CCNH: variants seen among roughly 807,000 people sequenced by gnomAD.
CCNH encodes the protein cyclin-H.
In CCNH, 31 loss-of-function variants were observed where a neutral mutation model predicts 41.9. That is an observed-to-expected ratio of 0.74 (90% confidence interval 0.56 to 1.00). The LOEUF (loss-of-function observed/expected upper bound fraction) is 1.00. Ranked by LOEUF, CCNH falls within the 50% of genes least tolerant of loss-of-function variation. The pLI is 0.00. For synonymous variants in CCNH, 138 were observed against 136.1 expected, an observed-to-expected ratio of 1.01 and a Z score of -0.10; for missense variants, 362 against 388.4, an observed-to-expected ratio of 0.93 and a Z score of 0.57.
rs760847054 is a variant in CCNH at position 87,346,744 on chromosome 5, C to G, written c.*91-27847G>C. Reference sequence around the variant, plus strand: ...TGACAGGTACTTACATATTTACTTGCTTTTCTAATGTCTATTTAAAGAGAA... The same window carrying G: ...TGACAGGTACTTACATATTTACTTGGTTTTCTAATGTCTATTTAAAGAGAA... On this transcript the variant is annotated intron_variant and NMD_transcript_variant, in intron 9 of 9. Transcript: ENST00000645953. 2 of 1,498,158 alleles carry G rather than the reference C, an allele frequency of 1.3e-6. No homozygotes were observed. Among genetic ancestry groups the G allele is most frequent in the East Asian group, 4.6e-5 (2 of 43,826 alleles). The allele number at this position is 1,498,158 out of a possible 1,614,324, so 92.8% of individuals were successfully genotyped here.
Position 87,412,672 on chromosome 5 carries a change from C to A in CCNH, c.117+6G>T. On this transcript the variant is annotated splice_donor_region_variant and intron_variant, in intron 1 of 8. Transcript: ENST00000256897. ...GGCAACTGGGCAACCGTTGGGAAAACCTCACCTTCCCGTTGGCCACGGCTT... is the reference window on the plus strand; with the variant it reads ...GGCAACTGGGCAACCGTTGGGAAAAACTCACCTTCCCGTTGGCCACGGCTT... 1 of 1,613,814 alleles carries A rather than the reference C, an allele frequency of 6.2e-7. No individual in the cohort carries two copies.
intron 2 of CCNH, 73 bp downstream of exon 2, chr5:87,411,151 C>CA (rs1764203838): frequency 6.9e-7 from 1 of 1,444,484 alleles, no homozygotes; most frequent in Non-Finnish European, 9.2e-7. Context: ...CTTGAGTGGA[C>CA]AGGGAATTTA....
At chr5:87,368,596 T>C (rs965282116) in intron 9 of CCNH, among the ~76,000 whole-genome samples, 4 of 152,222 alleles carry the variant, frequency 2.6e-5, no homozygotes, top group African/African-American at 4.8e-5. Context: ...AAGGCTGTTC[T>C]ATTTCTGGTT....
rs1757676959 is a variant in CCNH at position 87,332,502 on chromosome 5, A to G, written c.*91-13605T>C. ...TTTATACTGTATTTTTTCCTGTTCAAATAGGATTATTGCTATGTGTGGAGA... is the reference window on the plus strand; with the variant it reads ...TTTATACTGTATTTTTTCCTGTTCAGATAGGATTATTGCTATGTGTGGAGA... On this transcript the variant is annotated intron_variant and NMD_transcript_variant, in intron 9 of 9. Transcript: ENST00000645953. 6.2e-7 allele frequency: 1 copy of G among 1,605,516 alleles called. No individual in the cohort carries two copies. The highest frequency in any genetic ancestry group is 8.5e-7 in the Non-Finnish European group (1 of 1,173,036).
At chr5:87,339,226 A>T (rs948593251) in intron 9 of CCNH, among the ~76,000 whole-genome samples, 2 of 152,108 alleles carry the variant, frequency 1.3e-5, no homozygotes, top group Non-Finnish European at 2.9e-5. Context: ...CCAAATCTTG[A>T]TCCATAGAAG....
intron 9 of CCNH, among the ~76,000 whole-genome samples, chr5:87,349,900 G>A (rs1310291902): frequency 6.6e-6 from 1 of 151,828 alleles, no homozygotes; most frequent in Non-Finnish European, 1.5e-5. Context: ...AGGAAAATAA[G>A]TTAATAGAAG....
At chr5:87,402,188 G>A (rs1763470110) in intron 5 of CCNH, among the ~76,000 whole-genome samples, 1 of 152,294 alleles carries the variant, frequency 6.6e-6, no homozygotes, top group South Asian at 2.1e-4. Context: ...TCTGGCACTA[G>A]TAAGGATTCT....
chr5:87,389,632 ATTT>A, downstream of CCNH: 1 of 1,447,822 alleles, frequency 6.9e-7, no homozygotes. Flanking sequence ...GTTACATTAA[ATTT>A]TTGAGACTCT....
chr5:87,337,574 A>G (rs779691626), intron 9 of CCNH, among the ~76,000 whole-genome samples: 1 of 152,100 alleles, frequency 6.6e-6, no homozygotes, highest in East Asian at 1.9e-4. Context: ...TTTTGATTTT[A>G]TATCTACCCT....
At chr5:87,384,416 A>AG (rs912793126) in intron 9 of CCNH, among the ~76,000 whole-genome samples, 2 of 152,178 alleles carry the variant, frequency 1.3e-5, no homozygotes, top group Non-Finnish European at 2.9e-5. Context: ...TATAAACAGT[A>AG]GGAACTGGAA....
At chr5:87,333,879 T>G (rs955818519) in intron 9 of CCNH, among the ~76,000 whole-genome samples, 5 of 152,196 alleles carry the variant, frequency 3.3e-5, no homozygotes, top group Non-Finnish European at 5.9e-5. Context: ...TGACACATTT[T>G]TATTTGTAAT....
chr5:87,394,379 A>AGTT lies in CCNH; in HGVS notation c.*64_*66dup. 1.3e-6 allele frequency: 2 copies of AGTT among 1,568,176 alleles called. No homozygotes were observed. The highest frequency in any genetic ancestry group is 1.4e-5 in the African/African-American group (1 of 72,828). The stretch of plus-strand genomic sequence containing the variant: ...TTTTCACATTATACTTTTTAAATAA[A>AGTT]GTTAAACGTTTGATATGCTTCCTAC... On this transcript the variant is annotated 3_prime_UTR_variant, in exon 9 of 9. Coordinates refer to ENST00000256897, the MANE Select transcript of CCNH (RefSeq NM_001239.4).
intron 9 of CCNH, among the ~76,000 whole-genome samples, chr5:87,319,888 C>T (rs1250197890): frequency 2.6e-5 from 4 of 152,234 alleles, no homozygotes; most frequent in Non-Finnish European, 5.9e-5. Flanking sequence ...TGTTCTGCTT[C>T]CCTTTTAAAC....
chr5:87,376,991 T>G, exon 1 of CCNH: 1 of 1,613,804 alleles, frequency 6.2e-7, no homozygotes, highest in Non-Finnish European at 8.5e-7. Context: ...ACGAAAAGCT[T>G]GAATCGTTGT....
chr5:87,333,329 T>C, intron 9 of CCNH: 1 of 1,613,204 alleles, frequency 6.2e-7, no homozygotes, highest in East Asian at 2.2e-5. Context: ...CAGACACTGA[T>C]GAAATAAGGT....
At chr5:87,409,621 T>C (rs1764069981) in intron 2 of CCNH, among the ~76,000 whole-genome samples, 1 of 144,736 alleles carries the variant, frequency 6.9e-6, no homozygotes, top group East Asian at 2.1e-4. Flanking sequence ...TCACTGGATT[T>C]AAAAATACGT....
intron 9 of CCNH, among the ~76,000 whole-genome samples, chr5:87,328,707 C>CT (rs1365087369): frequency 6.6e-6 from 1 of 152,000 alleles, no homozygotes; most frequent in Admixed American, 6.6e-5. Flanking sequence ...GGACAGCCAC[C>CT]TTAGGGACTC....
downstream of CCNH, chr5:87,393,975 G>C (rs1393198638): frequency 6.6e-6 from 1 of 152,328 alleles, no homozygotes; most frequent in Admixed American, 6.5e-5. Context: ...CCAGACGACT[G>C]GCTTTCAGTA....
At chr5:87,389,380 G>A (rs890986927), downstream of CCNH, 27 of 1,613,734 alleles carry the variant, frequency 1.7e-5, no homozygotes, top group Non-Finnish European at 1.9e-5. Flanking sequence ...GCAATTTTAC[G>A]ATTCCCTTAA....
Sources: allele counts gnomAD v4.1 joint callset (sites outside exome capture counted in the v4.1 genomes callset), GRCh38; gene constraint gnomAD v4.1.1; transcripts MANE v1.5; gene names NCBI Gene and HGNC (gene_info 2026-07-23, HGNC 2026-07-21).